The following LRCH1 variants were observed in gnomAD, a reference collection of about 807,000 sequenced individuals.
LRCH1 encodes leucine-rich repeat and calponin homology domain-containing protein 1.
LRCH1 carries 23 observed loss-of-function variants against 94.9 expected under a neutral mutation model. That is an observed-to-expected ratio of 0.24 (90% CI 0.17 to 0.34). The LOEUF is 0.34. Ranked by LOEUF, LRCH1 falls within the 10% of genes least tolerant of loss-of-function variation. The pLI is 1.00. For synonymous variants in LRCH1, 364 were observed against 354.9 expected, an observed-to-expected ratio of 1.03 and a Z score of -0.29; for missense variants, 790 against 945.9, an observed-to-expected ratio of 0.84 and a Z score of 2.16.
At chr13:46,582,787 C>T (rs896583533) in intron 1 of LRCH1, among the ~76,000 whole-genome samples, 8 of 150,740 alleles carry the variant, frequency 5.3e-5, no homozygotes, top group African/African-American at 1.7e-4. Flanking sequence ...AGGTATTCGC[C>T]GCTGTGCCCA....
At chr13:46,631,162 G>T (rs1021098997) in intron 1 of LRCH1, among the ~76,000 whole-genome samples, 1 of 152,220 alleles carries the variant, frequency 6.6e-6, no homozygotes, top group African/African-American at 2.4e-5. Flanking sequence ...AAACACGAGT[G>T]TGATTATTTT....
In LRCH1 at chr13:46,743,869, A is replaced by C; in HGVS notation, c.*2021A>C. The C allele has an allele frequency of 1.0e-6, 1 of 984,650 alleles. No homozygotes were observed. Among genetic ancestry groups the C allele is most frequent in the Middle Eastern group, 5.2e-4 (1 of 1,912 alleles). The allele number at this position is 984,650 out of a possible 1,614,324, so 61.0% of individuals were successfully genotyped here. A position where few individuals can be genotyped will look rare whatever the true frequency, so the allele number is the denominator to read the frequency against. The stretch of plus-strand genomic sequence containing the variant: ...ATTAAAACATGTTAAAGACAAATTA[A>C]AAGACATTTATATTTTAATTCTGGC... On this transcript the variant is annotated 3_prime_UTR_variant, in exon 20 of 20. Transcript: ENST00000389797.
chr13:46,671,200 G>A (rs1023271574), intron 3 of LRCH1, among the ~76,000 whole-genome samples: 1 of 152,200 alleles, frequency 6.6e-6, no homozygotes, highest in Non-Finnish European at 1.5e-5. Context: ...TTCTTGGTTA[G>A]TTCTTAGCCA....
chr13:46,749,982 G>T (rs1332886310), intron 18 of LRCH1, among the ~76,000 whole-genome samples: 1 of 152,170 alleles, frequency 6.6e-6, no homozygotes, highest in Non-Finnish European at 1.5e-5. Context: ...TGAAAGGGAG[G>T]CTATTGAGGG....
intron 17 of LRCH1, among the ~76,000 whole-genome samples, chr13:46,724,227 T>A (rs1872710925): frequency 6.6e-6 from 1 of 152,136 alleles, no homozygotes; most frequent in Admixed American, 6.5e-5. Context: ...AATTTTTAAT[T>A]TTTAAGAGAC....
At chr13:46,570,393 A>C (rs921244569) in intron 1 of LRCH1, among the ~76,000 whole-genome samples, 17 of 152,220 alleles carry the variant, frequency 1.1e-4, no homozygotes, top group African/African-American at 4.1e-4. Context: ...CTGTGCTAAG[A>C]ATCAGATCTC....
intron 1 of LRCH1, among the ~76,000 whole-genome samples, chr13:46,599,207 G>A (rs2050599740): frequency 6.6e-6 from 1 of 152,118 alleles, no homozygotes. Context: ...ATATTTAATT[G>A]CATGTATACA....
intron 1 of LRCH1, among the ~76,000 whole-genome samples, chr13:46,583,356 C>T (rs1483620193): frequency 6.6e-6 from 1 of 152,188 alleles, no homozygotes; most frequent in African/African-American, 2.4e-5. Context: ...CTTATTGTAC[C>T]AAGATATCTT....
chr13:46,746,903 C>T (rs150473407), downstream of LRCH1, among the ~76,000 whole-genome samples: 1 of 152,314 alleles, frequency 6.6e-6, no homozygotes, highest in Non-Finnish European at 1.5e-5. Context: ...GGAAGCCTCC[C>T]CTTGGCCATC....
chr13:46,607,979 C>T (rs1272171768), intron 1 of LRCH1, among the ~76,000 whole-genome samples: 1 of 152,132 alleles, frequency 6.6e-6, no homozygotes, highest in Non-Finnish European at 1.5e-5. Flanking sequence ...GGGAAGGCCA[C>T]AGGAGATATG....
rs1239138099 is a variant in LRCH1 at position 46,686,024 on chromosome 13, C to T, written c.805C>T (p.Gln269Ter). ...GTTACTACTTGAGAATAACCCTCTG[C>T]AGTCTCCTCCAGCACAGGTGAGGGG... ...QVLLLENNPLQSPPAQICTKG... is the reference protein window; with the variant it reads ...QVLLLENNPL Residue 269 changes from glutamine to a stop codon, truncating the protein, a stop_gained, in exon 5 of 20, where the codon CAG (glutamine) becomes TAG (stop). Transcript: ENST00000389797. LOFTEE classifies it high-confidence loss of function. The T allele has an allele frequency of 1.9e-6, 3 of 1,602,242 alleles. No individual in the cohort carries two copies. Among genetic ancestry groups the T allele is most frequent in the South Asian group, 1.1e-5 (1 of 87,668 alleles).
intron 2 of LRCH1, among the ~76,000 whole-genome samples, chr13:46,660,160 C>A (rs567283818): frequency 6.6e-6 from 1 of 150,958 alleles, no homozygotes; most frequent in South Asian, 2.1e-4. Flanking sequence ...TACAGGCGCC[C>A]GCCACCACGC....
At chr13:46,621,860 T>A (rs1332276372) in intron 1 of LRCH1, among the ~76,000 whole-genome samples, 2 of 152,312 alleles carry the variant, frequency 1.3e-5, no homozygotes, top group South Asian at 4.1e-4. Flanking sequence ...GAGGAGGTGT[T>A]GTTTTGAGAC....
chr13:46,686,400 T>C (rs2138150645), intron 5 of LRCH1, among the ~76,000 whole-genome samples: 1 of 152,326 alleles, frequency 6.6e-6, no homozygotes, highest in East Asian at 1.9e-4. Context: ...TCCTTCCTTC[T>C]GGGCGTGGGG....
At chr13:46,654,414 G>A (rs1183792501) in intron 2 of LRCH1, among the ~76,000 whole-genome samples, 7 of 152,188 alleles carry the variant, frequency 4.6e-5, no homozygotes, top group African/African-American at 1.7e-4. Context: ...ATGGTGAAGG[G>A]TCGTAGTGGA....
Position 46,699,225 on chromosome 13 carries a change from A to G in LRCH1, c.1246-111A>G, listed in dbSNP as rs574259123. On this transcript the variant is annotated intron_variant, in intron 9 of 19. Coordinates refer to ENST00000389797, the MANE Select transcript of LRCH1 (RefSeq NM_001164211.2). ...ATAGATGGCTGTTTGGCTTGTTTCC[A>G]GCTTTTGGCTATTGTGAATAACGCT... 5.0e-6 allele frequency: 4 copies of G among 797,636 alleles called. No individual in the cohort carries two copies. In the African/African-American group the frequency reaches 6.8e-5, roughly 14 times the overall value. 49.4% of individuals were successfully genotyped at this position (797,636 alleles called of 1,614,324 possible). A position where few individuals can be genotyped will look rare whatever the true frequency, so the allele number is the denominator to read the frequency against.
intron 1 of LRCH1, among the ~76,000 whole-genome samples, chr13:46,598,302 C>G (rs1332535563): frequency 1.3e-5 from 2 of 151,660 alleles, no homozygotes; most frequent in Non-Finnish European, 2.9e-5. Context: ...TTGAGCAGCC[C>G]TGGGGCAGTT....
intron 2 of LRCH1, among the ~76,000 whole-genome samples, chr13:46,651,567 A>T (rs1012202891): frequency 6.6e-6 from 1 of 151,734 alleles, no homozygotes; most frequent in African/African-American, 2.4e-5. Context: ...AAGCTGAGGC[A>T]GGAGAATCGC....
rs142777397 is a variant in LRCH1, at chr13:46,713,900, A to G, written c.1654+1303A>G. Among the ~76,000 whole-genome samples the G allele has an allele frequency of 4.8e-3, 738 of 152,294 alleles. 10 individuals carry two copies. Among genetic ancestry groups the G allele is most frequent in the Non-Finnish European group, 4.1e-3 (280 of 68,006 alleles). On this transcript the variant is annotated intron_variant, in intron 15 of 19. Transcript: ENST00000389797. Reference sequence around the variant, plus strand: ...AGCTGCAGACTGTCTCCTAATCCTCACAGTCAGTTTTACACAGTTTAAAAG... The same window carrying G: ...AGCTGCAGACTGTCTCCTAATCCTCGCAGTCAGTTTTACACAGTTTAAAAG...
Sources: allele counts gnomAD v4.1 joint callset (sites outside exome capture counted in the v4.1 genomes callset), GRCh38; gene constraint gnomAD v4.1.1; transcripts MANE v1.5; gene names NCBI Gene and HGNC (gene_info 2026-07-23, HGNC 2026-07-21).